MAGI2: variants seen among roughly 807,000 people sequenced by gnomAD.
MAGI2 encodes the protein membrane-associated guanylate kinase, WW and PDZ domain-containing protein 2.
In MAGI2, 35 loss-of-function variants were observed where a neutral mutation model predicts 133.3. That is an observed-to-expected ratio of 0.26 (90% CI 0.20 to 0.35). The LOEUF (loss-of-function observed/expected upper bound fraction) is 0.35. Among genes scored for constraint, MAGI2 ranks in the 10% least tolerant of loss-of-function variants. The pLI, the probability that MAGI2 is intolerant of heterozygous loss-of-function variation, is 1.00. For missense variants in MAGI2, 1,636 were observed against 1,863.4 expected (o/e 0.88, Z 2.25); for synonymous variants, 729 against 710.6 (o/e 1.03, Z -0.41).
At position 78,592,491 on chromosome 7, in the gene MAGI2, G is replaced by A. The variant is rs555247254; in HGVS notation, c.538+34629C>T. On this transcript the variant is annotated intron_variant, in intron 3 of 21. Coordinates refer to ENST00000354212, the MANE Select transcript of MAGI2 (RefSeq NM_012301.4). ...CAAGGGGATAGAAGGCCCTAAAAGGGCAGTATTTGAAAAAAATAAGGAATT... is the reference window on the plus strand; with the variant it reads ...CAAGGGGATAGAAGGCCCTAAAAGGACAGTATTTGAAAAAAATAAGGAATT... Among the ~76,000 whole-genome samples, 19 of 152,062 alleles carry A rather than the reference G, an allele frequency of 1.2e-4. No homozygotes were observed. The South Asian group carries it at 3.9e-3, about 32-fold the overall frequency.
chr7:79,130,059 G>A (rs62460845), intron 1 of MAGI2, among the ~76,000 whole-genome samples: 9,974 of 151,928 alleles, frequency 0.066, 465 homozygotes, highest in South Asian at 0.17. Context: ...TCAGCACTTC[G>A]GGAGGCCAAG....
chr7:78,278,530 G>C (rs552534361), intron 9 of MAGI2, among the ~76,000 whole-genome samples: 2 of 152,236 alleles, frequency 1.3e-5, no homozygotes, highest in East Asian at 3.9e-4. Flanking sequence ...GTGATGGATA[G>C]TTTTATGTGT....
chr7:79,308,161 A>G (rs1334466249), intron 1 of MAGI2, among the ~76,000 whole-genome samples: 2 of 152,232 alleles, frequency 1.3e-5, no homozygotes, highest in Non-Finnish European at 2.9e-5. Context: ...AGTGTTTAGC[A>G]TTATAAAATC....
intron 2 of MAGI2, among the ~76,000 whole-genome samples, chr7:78,914,352 T>C (rs1798628225): frequency 6.6e-6 from 1 of 152,202 alleles, no homozygotes; most frequent in East Asian, 1.9e-4. Context: ...TAGTGAATTA[T>C]TAATAAGACT....
chr7:78,854,991 T>G (rs1180978355), intron 2 of MAGI2, among the ~76,000 whole-genome samples: 1 of 151,856 alleles, frequency 6.6e-6, no homozygotes, highest in Non-Finnish European at 1.5e-5. Context: ...TAACTGAGAT[T>G]ACAGGCGCTT....
chr7:78,475,563 G>A (rs1408740808), intron 6 of MAGI2, among the ~76,000 whole-genome samples: 2 of 151,886 alleles, frequency 1.3e-5, no homozygotes, highest in Admixed American at 1.3e-4. Context: ...TACAGACCTG[G>A]CTAGAGTAGC....
chr7:78,823,534 G>A (rs75125408), intron 2 of MAGI2, among the ~76,000 whole-genome samples: 22,264 of 145,724 alleles, frequency 0.15, 1,780 homozygotes, highest in African/African-American at 0.19. Context: ...AGTGAGCCCG[G>A]ATCGCGCCAC....
chr7:79,243,971 C>T (rs879817875), intron 1 of MAGI2, among the ~76,000 whole-genome samples: 1 of 152,084 alleles, frequency 6.6e-6, no homozygotes, highest in African/African-American at 2.4e-5. Flanking sequence ...CTGTATTATG[C>T]ATACCACATC....
chr7:78,685,892 T>C (rs916843882), intron 2 of MAGI2, among the ~76,000 whole-genome samples: 3 of 151,994 alleles, frequency 2.0e-5, no homozygotes, highest in African/African-American at 7.2e-5. Context: ...TCCAAAATAT[T>C]AGTACTTACG....
At chr7:78,122,520 C>A (rs1228963338) in intron 20 of MAGI2, among the ~76,000 whole-genome samples, 1 of 152,102 alleles carries the variant, frequency 6.6e-6, no homozygotes, top group Non-Finnish European at 1.5e-5. Flanking sequence ...AGTAGGTAAA[C>A]CATCTTATAA....
At chr7:78,203,088 C>T (rs376800328) in intron 10 of MAGI2, among the ~76,000 whole-genome samples, 8 of 152,300 alleles carry the variant, frequency 5.3e-5, no homozygotes, top group African/African-American at 1.9e-4. Flanking sequence ...TGCTGTTTTA[C>T]GGAATTGCCA....
chr7:79,254,674 G>A (rs745423327), intron 1 of MAGI2, among the ~76,000 whole-genome samples: 1 of 152,100 alleles, frequency 6.6e-6, no homozygotes, highest in Admixed American at 6.5e-5. Flanking sequence ...ATATTTCTGG[G>A]CCTCTACATT....
At chr7:78,101,248 A>G (rs1158601535) in intron 20 of MAGI2, among the ~76,000 whole-genome samples, 1 of 152,218 alleles carries the variant, frequency 6.6e-6, no homozygotes, top group East Asian at 1.9e-4. Context: ...TGCCAAAGCA[A>G]TCTTAAGAAT....
intron 6 of MAGI2, among the ~76,000 whole-genome samples, chr7:78,418,941 A>G (rs1027218454): frequency 1.1e-4 from 17 of 152,162 alleles, no homozygotes; most frequent in Admixed American, 3.9e-4. Flanking sequence ...AGGTCTGAAT[A>G]TTGCAATAAG....
At chr7:78,140,197 A>ATGTT (rs1822606468) in intron 16 of MAGI2, among the ~76,000 whole-genome samples, 1 of 152,220 alleles carries the variant, frequency 6.6e-6, no homozygotes, top group Non-Finnish European at 1.5e-5. Flanking sequence ...AGAAGACAGG[A>ATGTT]TGTTTACTTG....
At chr7:79,221,920 T>C (rs1322008604) in intron 1 of MAGI2, among the ~76,000 whole-genome samples, 1 of 152,004 alleles carries the variant, frequency 6.6e-6, no homozygotes, top group Admixed American at 6.6e-5. Context: ...GCACATTTTC[T>C]CCAGTGTTCA....
chr7:79,418,096 A>G (rs1846669158), intron 1 of MAGI2, among the ~76,000 whole-genome samples: 1 of 152,130 alleles, frequency 6.6e-6, no homozygotes, highest in African/African-American at 2.4e-5. Context: ...AAGTAATAAG[A>G]AATTAATCGT....
At chr7:78,980,377 A>G (rs777274872) in intron 2 of MAGI2, among the ~76,000 whole-genome samples, 18 of 151,840 alleles carry the variant, frequency 1.2e-4, no homozygotes, top group Non-Finnish European at 2.4e-4. Flanking sequence ...CTGTGATCCA[A>G]ATGATTGTAT....
chr7:79,063,868 T>C lies in MAGI2; in HGVS notation c.302-56662A>G, dbSNP rs1266566748. ...GATAAATAGTAAGTACTAAAATTCT[T>C]ATAAAGCCACAATTTACTTATCATA... On this transcript the variant is annotated intron_variant, in intron 1 of 21. Transcript: ENST00000354212. Among the ~76,000 whole-genome samples, 3 of 151,988 alleles carry C rather than the reference T, an allele frequency of 2.0e-5. No homozygotes were observed. In the South Asian group the frequency reaches 6.2e-4, roughly 31 times the overall value.
Sources: allele counts gnomAD v4.1 joint callset (sites outside exome capture counted in the v4.1 genomes callset), GRCh38; gene constraint gnomAD v4.1.1; transcripts MANE v1.5; gene names NCBI Gene and HGNC (gene_info 2026-07-23, HGNC 2026-07-21).